Variants in EIF2AK4 observed in about 807,000 individuals in gnomAD.
EIF2AK4 encodes eIF-2-alpha kinase GCN2.
A neutral mutation model predicts 211.1 loss-of-function variants in EIF2AK4; 139 were observed. The ratio of observed to expected loss-of-function variants is 0.66; its 90% CI spans 0.57 to 0.76. The LOEUF (loss-of-function observed/expected upper bound fraction) is 0.76. EIF2AK4 is among the 30% of genes least tolerant of loss of function. EIF2AK4 has a pLI of 0.00. For synonymous variants in EIF2AK4, 710 were observed against 751.3 expected (o/e 0.94, Z 0.90); for missense variants, 1,664 against 2,043.8 (o/e 0.81, Z 3.58).
chr15:39,998,937 G>A (rs1417990699), intron 20 of EIF2AK4, among the ~76,000 whole-genome samples, 153 bp downstream of exon 20: 2 of 152,112 alleles, frequency 1.3e-5, no homozygotes, highest in African/African-American at 4.8e-5. Flanking sequence ...CACTTAAAAT[G>A]TCATTAGACT....
At chr15:40,012,015 G>GT (rs1271585600) in intron 27 of EIF2AK4, among the ~76,000 whole-genome samples, 3 of 151,672 alleles carry the variant, frequency 2.0e-5, no homozygotes, top group Non-Finnish European at 2.9e-5. Context: ...AATAAGGAAA[G>GT]TTTTTTTTTA....
In EIF2AK4 at chr15:39,934,133, G is replaced by T. The variant is rs1037263743; in HGVS notation, c.-63G>T. On this transcript the variant is annotated 5_prime_UTR_variant, in exon 1 of 39. Transcript: ENST00000263791. Reference sequence around the variant, plus strand: ...CGTCCCCAGCGCGGAGCCCCGCCCCGCAGGCTGCCGGGGGCCCACCGCCGC... The same window carrying T: ...CGTCCCCAGCGCGGAGCCCCGCCCCTCAGGCTGCCGGGGGCCCACCGCCGC... 6 of 1,227,874 alleles carry T rather than the reference G, an allele frequency of 4.9e-6. No individual in the cohort carries two copies. The African/African-American group carries it at 8.0e-5, about 16-fold the overall frequency. 76.1% of individuals were successfully genotyped at this position (1,227,874 alleles called of 1,614,324 possible).
chr15:40,008,303 G>T, intron 25 of EIF2AK4, 108 bp downstream of exon 25: 2 of 999,732 alleles, frequency 2.0e-6, no homozygotes, highest in Non-Finnish European at 2.8e-6. Flanking sequence ...TCCTGCAGAT[G>T]AATCACATCT....
chr15:40,005,218 A>G (rs145706496), intron 23 of EIF2AK4, among the ~76,000 whole-genome samples: 116 of 152,304 alleles, frequency 7.6e-4, no homozygotes, highest in African/African-American at 2.7e-3. Context: ...CCCGGAACCA[A>G]TTTCTGAGGG....
At chr15:39,981,126 C>G (rs1027756695) in intron 13 of EIF2AK4, among the ~76,000 whole-genome samples, 1 of 152,136 alleles carries the variant, frequency 6.6e-6, no homozygotes, top group Non-Finnish European at 1.5e-5. Context: ...AATCCCAGCA[C>G]TTTGGGATGC....
At chr15:39,946,976 C>G (rs2140900857) in intron 3 of EIF2AK4, 1 of 216,634 alleles carries the variant, frequency 4.6e-6, no homozygotes, top group East Asian at 1.0e-4. Flanking sequence ...TTTATATGCA[C>G]TGGGAAACCA....
intron 37 of EIF2AK4, 65 bp downstream of exon 37, chr15:40,032,866 C>T (rs964999476): frequency 1.4e-6 from 2 of 1,409,010 alleles, no homozygotes; most frequent in South Asian, 1.2e-5. Context: ...ATTAGTTTGC[C>T]AAAATACTGA....
In EIF2AK4 at chr15:39,955,166, T is replaced by C. The variant is rs183477211; in HGVS notation, c.595-454T>C. Among the ~76,000 whole-genome samples the C allele has an allele frequency of 4.6e-5, 7 of 152,354 alleles. No individual in the cohort carries two copies. In the East Asian group the frequency reaches 5.8e-4, roughly 13 times the overall value. On this transcript the variant is annotated intron_variant, in intron 5 of 38. Coordinates refer to ENST00000263791, the MANE Select transcript of EIF2AK4 (RefSeq NM_001013703.4). ...CTCCCTTCTTCTGTTCATCTCCTGT[T>C]ACTCTTCTCCCTAACTTTTTACACT...
intron 32 of EIF2AK4, among the ~76,000 whole-genome samples, chr15:40,023,800 A>G (rs933756959): frequency 1.4e-4 from 21 of 151,702 alleles, no homozygotes; most frequent in African/African-American, 5.1e-4. Flanking sequence ...ATCCATTACT[A>G]TTTTCTTCCT....
At chr15:40,009,851 C>T (rs764967657) in intron 26 of EIF2AK4, 121 bp downstream of exon 26, 1 of 715,018 alleles carries the variant, frequency 1.4e-6, no homozygotes, top group Non-Finnish European at 2.4e-6. Context: ...AGCCTTATCT[C>T]CTTCCTTCAT....
At chr15:39,934,548 C>G (rs1404273085) in intron 1 of EIF2AK4, among the ~76,000 whole-genome samples, 1 of 152,208 alleles carries the variant, frequency 6.6e-6, no homozygotes, top group Non-Finnish European at 1.5e-5. Context: ...AGTCCTTTCC[C>G]CATGATTTCC....
intron 7 of EIF2AK4, among the ~76,000 whole-genome samples, chr15:39,962,983 G>A (rs921553978): frequency 2.0e-5 from 3 of 152,232 alleles, no homozygotes; most frequent in Admixed American, 6.5e-5. Context: ...TATGTGAAAT[G>A]AGTTTGCTTT....
At chr15:39,974,169 G>A (rs975068485) in intron 11 of EIF2AK4, 1 of 153,292 alleles carries the variant, frequency 6.5e-6, no homozygotes, top group Non-Finnish European at 1.5e-5. Context: ...GGCCCCAGCA[G>A]GTCTCGATGG....
chr15:39,983,468 G>A (rs540584457), intron 13 of EIF2AK4, among the ~76,000 whole-genome samples: 1 of 148,434 alleles, frequency 6.7e-6, no homozygotes, highest in South Asian at 2.3e-4. Context: ...TTGAGACTGA[G>A]TTTTGCTCTT....
At chr15:40,002,923 T>G in intron 22 of EIF2AK4, 135 bp downstream of exon 22, 1 of 1,119,698 alleles carries the variant, frequency 8.9e-7, no homozygotes, top group South Asian at 1.6e-5. Flanking sequence ...ATATGGAATT[T>G]AAGCTTATTT....
chr15:40,011,308 G>A lies in EIF2AK4; in HGVS notation c.3721G>A (p.Glu1241Lys). The part of the protein sequence containing the change: ...VTEKLTRREV[E>K]AKFCNLSLSS... ...AGAGAAGCTGACGAGGAGAGAAGTG[G>A]AAGCTAAATTTTGTAATCTGTCTTT... is the stretch of plus-strand genomic sequence containing the variant. Residue 1241 changes from glutamate to lysine, a missense_variant, in exon 27 of 39, where the codon GAA (glutamate) becomes AAA (lysine). Around this residue, in one of 7 missense-constraint regions of EIF2AK4, gnomAD observed 622 missense variants for 796.8 expected, o/e 0.78. Coordinates refer to ENST00000263791, the MANE Select transcript of EIF2AK4 (RefSeq NM_001013703.4). 1 of 1,613,412 alleles carries A rather than the reference G, an allele frequency of 6.2e-7. No individual in the cohort carries two copies. The highest frequency in any genetic ancestry group is 8.5e-7 in the Non-Finnish European group (1 of 1,179,604).
At chr15:39,977,338 G>GAAA (rs1566992038) in intron 12 of EIF2AK4, 1 of 152,852 alleles carries the variant, frequency 6.5e-6, no homozygotes, top group Non-Finnish European at 1.5e-5. Flanking sequence ...AATGACTGCT[G>GAAA]AAAAAGCGCA....
chr15:40,028,584 C>T (rs1009768430), intron 33 of EIF2AK4, among the ~76,000 whole-genome samples: 1 of 152,100 alleles, frequency 6.6e-6, no homozygotes, highest in Non-Finnish European at 1.5e-5. Flanking sequence ...TCAGTAGTAC[C>T]AAGATTGGGA....
intron 4 of EIF2AK4, chr15:39,951,242 G>A (rs1040521746): frequency 3.9e-5 from 6 of 152,986 alleles, no homozygotes; most frequent in African/African-American, 1.4e-4. Flanking sequence ...CCAGGCTGGA[G>A]TGCAATGATG....
Sources: allele counts gnomAD v4.1 joint callset (sites outside exome capture counted in the v4.1 genomes callset), GRCh38; gene constraint gnomAD v4.1.1; regional missense constraint gnomAD v4.1.1; transcripts MANE v1.5; gene names NCBI Gene and HGNC (gene_info 2026-07-23, HGNC 2026-07-21).